The following LGSN variants were observed in gnomAD, a reference collection of about 807,000 sequenced individuals.
LGSN encodes lengsin.
Under a neutral mutation model 19.5 loss-of-function variants are expected in LGSN, and 21 were observed. The ratio of observed to expected loss-of-function variants is 1.07; its 90% confidence interval spans 0.76 to 1.55. The LOEUF is 1.55. LGSN is among the 40% of genes most tolerant of loss of function. The probability of loss-of-function intolerance (pLI) is 0.00; values close to 1 mark genes in which losing one functional copy is unlikely to be tolerated. For synonymous variants in LGSN, 257 were observed against 215.6 expected (o/e 1.19, Z -1.68); for missense variants, 673 against 608.5 (o/e 1.11, Z -1.12).
At chr6:63,302,205 G>C (rs1768207632) in intron 1 of LGSN, among the ~76,000 whole-genome samples, 2 of 151,998 alleles carry the variant, frequency 1.3e-5, no homozygotes, top group Admixed American at 6.6e-5. Flanking sequence ...CTAATATTCT[G>C]ATATGTCTTA....
At chr6:63,480,970 TATATATATATATATATAC>T in the LGSN span, among the ~76,000 whole-genome samples, 12 of 34,716 alleles carry the variant, frequency 3.5e-4, no homozygotes, top group African/African-American at 7.3e-4. Context: ...TATATATATA[TATATATATATATATATAC>T]ACACACACAT....
chr6:63,453,346 T>C, the LGSN span, among the ~76,000 whole-genome samples: 1 of 152,170 alleles, frequency 6.6e-6, no homozygotes, highest in East Asian at 1.9e-4. Flanking sequence ...TCTCTATGTG[T>C]TCTATTAGTT....
At chr6:63,344,983 C>T in the LGSN span, among the ~76,000 whole-genome samples, 1 of 152,034 alleles carries the variant, frequency 6.6e-6, no homozygotes, top group Non-Finnish European at 1.5e-5. Context: ...CTACCATTGT[C>T]CTCTATAGCA....
At chr6:63,550,317 C>T in the LGSN span, 1 of 152,164 alleles carries the variant, frequency 6.6e-6, no homozygotes, top group East Asian at 1.9e-4. Flanking sequence ...TGCCCGCCCT[C>T]TCTTTCTGGA....
At chr6:63,343,983 AG>A in the LGSN span, among the ~76,000 whole-genome samples, 2 of 152,168 alleles carry the variant, frequency 1.3e-5, no homozygotes, top group Non-Finnish European at 2.9e-5. Flanking sequence ...GCAAGGAAAC[AG>A]GGACCTGAGT....
the LGSN span, among the ~76,000 whole-genome samples, chr6:63,497,056 C>G: frequency 6.6e-6 from 1 of 152,016 alleles, no homozygotes; most frequent in Non-Finnish European, 1.5e-5. Flanking sequence ...TATTTAATCT[C>G]AAACTCCTGG....
the LGSN span, among the ~76,000 whole-genome samples, chr6:63,415,797 A>T: frequency 6.6e-6 from 1 of 152,164 alleles, no homozygotes; most frequent in Non-Finnish European, 1.5e-5. Context: ...TAAATTGTTG[A>T]TGCATTTTAC....
At chr6:63,419,879 CCAAAAAAAAAAAAAAAAAAAAAAAAAAAA>C in the LGSN span, among the ~76,000 whole-genome samples, 2 of 81,264 alleles carry the variant, frequency 2.5e-5, no homozygotes, top group Non-Finnish European at 2.3e-5. Flanking sequence ...AAACTCCCTC[CCAAAAAAAAAAAAAAAAAAAAAAAAAAAA>C]AAAAAAAAAA....
Position 63,288,270 on chromosome 6 carries a change from T to TAAATAAAA in LGSN, c.164-2518_164-2517insTTTTATTT, listed in dbSNP as rs143785548. 1.6e-4 allele frequency among the ~76,000 whole-genome samples: 13 copies of TAAATAAAA among 82,702 alleles called. 1 individual carries two copies. In the South Asian group the frequency reaches 4.6e-3, roughly 29 times the overall value. 54.3% of individuals were successfully genotyped at this position (82,702 alleles called of 152,430 possible). A position where few individuals can be genotyped will look rare whatever the true frequency, so the allele number is the denominator to read the frequency against. On this transcript the variant is annotated intron_variant, in intron 2 of 3. Transcript: ENST00000370657. ...ATAAATAAATAAATAAATAAATAAA[T>TAAATAAAA]AATAATAATATTCATTCACTCATCA...
At chr6:63,490,642 C>A in the LGSN span, among the ~76,000 whole-genome samples, 1 of 151,922 alleles carries the variant, frequency 6.6e-6, no homozygotes, top group African/African-American at 2.4e-5. Context: ...AGTGGTGCAA[C>A]TTCAGCTCAC....
At chr6:63,380,388 T>C in the LGSN span, among the ~76,000 whole-genome samples, 1 of 152,182 alleles carries the variant, frequency 6.6e-6, no homozygotes, top group African/African-American at 2.4e-5. Context: ...TTGATGGAGA[T>C]GAGTCTGCAG....
the LGSN span, among the ~76,000 whole-genome samples, chr6:63,560,447 GC>G: frequency 2.0e-5 from 3 of 150,726 alleles, no homozygotes; most frequent in Non-Finnish European, 1.5e-5. Context: ...TGTTGGGCGG[GC>G]TGGAAGGCAG....
intron 3 of LGSN, among the ~76,000 whole-genome samples, chr6:63,281,424 C>T (rs1038927067): frequency 6.7e-6 from 1 of 148,794 alleles, no homozygotes; most frequent in Admixed American, 6.8e-5. Flanking sequence ...CCCCCAAAGG[C>T]AACTTTATAA....
the LGSN span, among the ~76,000 whole-genome samples, chr6:63,537,021 T>C: frequency 3.9e-5 from 6 of 152,014 alleles, no homozygotes; most frequent in Non-Finnish European, 8.8e-5. Context: ...GGAATTAAGG[T>C]TAAATAGTTT....
At chr6:63,306,309 A>C (rs1023942668) in intron 1 of LGSN, among the ~76,000 whole-genome samples, 1 of 152,236 alleles carries the variant, frequency 6.6e-6, no homozygotes, top group African/African-American at 2.4e-5. Flanking sequence ...GGTGCTTCCT[A>C]CATCACCATA....
chr6:63,333,690 G>T, the LGSN span, among the ~76,000 whole-genome samples: 2 of 151,590 alleles, frequency 1.3e-5, no homozygotes, highest in African/African-American at 4.8e-5. Flanking sequence ...GAAACTACAG[G>T]TCTATATGCC....
At chr6:63,560,041 G>A in the LGSN span, among the ~76,000 whole-genome samples, 2 of 152,088 alleles carry the variant, frequency 1.3e-5, no homozygotes, top group African/African-American at 2.4e-5. Flanking sequence ...GGTACCCCAC[G>A]GTAATGCATT....
the LGSN span, among the ~76,000 whole-genome samples, chr6:63,377,905 C>T: frequency 8.5e-6 from 1 of 117,920 alleles, no homozygotes; most frequent in Non-Finnish European, 1.6e-5. Flanking sequence ...CAGAGAGAGA[C>T]TCCATCTCAA....
chr6:63,339,480 A>G, the LGSN span, among the ~76,000 whole-genome samples: 1 of 152,180 alleles, frequency 6.6e-6, no homozygotes, highest in Non-Finnish European at 1.5e-5. Context: ...TTTGTCCGAC[A>G]TAAGTATAGC....
Sources: allele counts gnomAD v4.1 joint callset (sites outside exome capture counted in the v4.1 genomes callset), GRCh38; gene constraint gnomAD v4.1.1; transcripts MANE v1.5; gene names NCBI Gene and HGNC (gene_info 2026-07-23, HGNC 2026-07-21).